Variants in MBOAT4 observed in about 807,000 individuals in gnomAD.
MBOAT4 encodes membrane bound ghrelin O-acyltransferase MBOAT4, also known as membrane-bound ghrelin O-acyltransferase MBOAT4.
In MBOAT4, 11 loss-of-function variants were observed where a neutral mutation model predicts 13.2. The ratio of observed to expected loss-of-function variants is 0.84; its 90% CI spans 0.53 to 1.38. MBOAT4 has a LOEUF of 1.38. Ranked by LOEUF, MBOAT4 falls within the 40% of genes most tolerant of loss-of-function variation. The pLI is 0.00. For synonymous variants in MBOAT4, 202 were observed against 210.3 expected (o/e 0.96, Z 0.34); for missense variants, 481 against 527.2 (o/e 0.91, Z 0.86).
chr8:30,134,275 T>A (rs563197954), intron 2 of MBOAT4, among the ~76,000 whole-genome samples: 3 of 151,630 alleles, frequency 2.0e-5, no homozygotes, highest in Admixed American at 6.6e-5. Context: ...ATACAAAAAT[T>A]AGCTGGGTGT....
chr8:30,137,935 T>C, intron 2 of MBOAT4: 1 of 212,008 alleles, frequency 4.7e-6, no homozygotes, highest in Non-Finnish European at 9.7e-6. Context: ...ACATCAGTGC[T>C]TGAGATGTTT....
chr8:30,142,517 G>A (rs970117307), intron 1 of MBOAT4, among the ~76,000 whole-genome samples: 8 of 152,070 alleles, frequency 5.3e-5, no homozygotes, highest in African/African-American at 1.9e-4. Context: ...CACCACACTT[G>A]GCTAATTTTT....
chr8:30,134,322 C>G (rs1803091812), intron 2 of MBOAT4, among the ~76,000 whole-genome samples: 1 of 151,756 alleles, frequency 6.6e-6, no homozygotes, highest in Admixed American at 6.6e-5. Context: ...ACTCGGGAGG[C>G]TGAGGCAGGA....
chr8:30,135,495 G>T (rs1353850769), intron 2 of MBOAT4, among the ~76,000 whole-genome samples: 1 of 152,126 alleles, frequency 6.6e-6, no homozygotes, highest in East Asian at 1.9e-4. Flanking sequence ...TTGTACTGAG[G>T]AATGGATCAC....
At chr8:30,137,252 T>A in intron 2 of MBOAT4, 1 of 1,529,960 alleles carries the variant, frequency 6.5e-7, no homozygotes, top group Admixed American at 2.0e-5. Context: ...TGTAATTAGC[T>A]CTTGATTTCT....
In MBOAT4 at chr8:30,138,305, C is replaced by T. The variant is rs141352331; in HGVS notation, c.344+227G>A. 7.4e-5 allele frequency: 32 copies of T among 432,270 alleles called. No homozygotes were observed. The East Asian group carries it at 7.9e-4, about 11-fold the overall frequency. The allele number at this position is 432,270 out of a possible 1,614,324, so 26.8% of individuals were successfully genotyped here. A position where few individuals can be genotyped will look rare whatever the true frequency, so the allele number is the denominator to read the frequency against. On this transcript the variant is annotated intron_variant, in intron 2 of 2. Transcript: ENST00000320542. ...CAGTGGAGAAGGTGAACCCACTGGG[C>T]GGTTACACTAACATTCACAACAATC...
At chr8:30,137,325 A>AG in intron 2 of MBOAT4, 1 of 1,551,754 alleles carries the variant, frequency 6.4e-7, no homozygotes, top group East Asian at 2.4e-5. Context: ...CTGAAGGAAG[A>AG]GAAACACTGA....
At position 30,132,461 on chromosome 8, in the gene MBOAT4, AGTC is replaced by A. The variant is rs1803044146; in HGVS notation, c.787_789del (p.Asp263del). Reference sequence around the variant, plus strand: ...CCAAAGCCCGCTGCGTGGAGGAGGGAGTCGTCCAGGATCCAGTGGGAGTAGTAG... The same window carrying A: ...CCAAAGCCCGCTGCGTGGAGGAGGGAGTCCAGGATCCAGTGGGAGTAGTAG... On this transcript the variant is annotated inframe_deletion, in exon 3 of 3. Coordinates refer to ENST00000320542, the MANE Select transcript of MBOAT4 (RefSeq NM_001100916.2). 1.9e-6 allele frequency: 3 copies of A among 1,551,590 alleles called. No individual in the cohort carries two copies. The highest frequency in any genetic ancestry group is 1.4e-5 in the African/African-American group (1 of 73,040).
chr8:30,141,950 C>A (rs1337125597), intron 1 of MBOAT4, among the ~76,000 whole-genome samples: 1 of 152,184 alleles, frequency 6.6e-6, no homozygotes, highest in Non-Finnish European at 1.5e-5. Context: ...TGACTTCCCC[C>A]CTCAACACCC....
At position 30,141,254 on chromosome 8, in the gene MBOAT4, C is replaced by T. The variant is rs574165905; in HGVS notation, c.120-2498G>A. 7.2e-5 allele frequency among the ~76,000 whole-genome samples: 11 copies of T among 152,244 alleles called. No homozygotes were observed. The South Asian group carries it at 1.7e-3, about 23-fold the overall frequency. On this transcript the variant is annotated intron_variant, in intron 1 of 2. Transcript: ENST00000320542. ...CAGAGGCCTGGGAAGCTTCACATTA[C>T]GCACACTTGGTTCTTCCTTCTGCAT...
intron 1 of MBOAT4, 42 bp from the exon 2 acceptor site, chr8:30,138,798 G>T (rs751895745): frequency 1.2e-5 from 17 of 1,425,976 alleles, no homozygotes; most frequent in Admixed American, 1.2e-4. Flanking sequence ...ACTTAGAACG[G>T]CACAGCAAAG....
rs1404642148 is a variant in MBOAT4 at position 30,132,607 on chromosome 8, A to G, written c.644T>C (p.Leu215Pro). Residue 215 changes from leucine to proline, a missense_variant, in exon 3 of 3, where the codon CTA (leucine) becomes CCA (proline). Coordinates refer to ENST00000320542, the MANE Select transcript of MBOAT4 (RefSeq NM_001100916.2). ...LSWRGLQILG[L>P]ECLNVAVSRV... is the part of the protein sequence containing the mutation. ...GCTCACTGCCACGTTTAGGCATTCTAGTCCAAGAATCTGCAGACCCCTCCA... is the reference window on the plus strand; with the variant it reads ...GCTCACTGCCACGTTTAGGCATTCTGGTCCAAGAATCTGCAGACCCCTCCA... 3 of 1,551,788 alleles carry G rather than the reference A, an allele frequency of 1.9e-6. No individual in the cohort carries two copies. The East Asian group carries it at 7.3e-5, about 38-fold the overall frequency.
chr8:30,143,368 T>TAAA (rs1183525272), intron 1 of MBOAT4, among the ~76,000 whole-genome samples: 35 of 20,004 alleles, frequency 1.7e-3, no homozygotes, highest in Middle Eastern at 0.033. Context: ...AAAAAAAAAA[T>TAAA]ATATATATAT....
chr8:30,132,171 C>T lies in MBOAT4; in HGVS notation c.1080G>A (p.Leu360=), dbSNP rs1803031303. 1.9e-6 allele frequency: 3 copies of T among 1,551,708 alleles called. No individual in the cohort carries two copies. Among genetic ancestry groups the T allele is most frequent in the South Asian group, 1.2e-5 (1 of 84,054 alleles). ...TAAACTCATTGGCAAAGGAGTGAAT[C>T]AGGTAGTCAGCTTCCACCATCACGG... ...CWAVMVEADY[L]IHSFANEFIR... Residue 360 remains leucine, a synonymous_variant, in exon 3 of 3, where the codon CTG becomes CTA. Coordinates refer to ENST00000320542, the MANE Select transcript of MBOAT4 (RefSeq NM_001100916.2).
intron 2 of MBOAT4, chr8:30,137,823 A>C (rs1803181247): frequency 3.2e-6 from 1 of 313,132 alleles, no homozygotes; most frequent in African/African-American, 2.1e-5. Context: ...AAATTAGCCG[A>C]AAGATTAGAA....
intron 2 of MBOAT4, among the ~76,000 whole-genome samples, chr8:30,136,410 C>G (rs1199539452): frequency 1.3e-5 from 2 of 152,212 alleles, no homozygotes; most frequent in Non-Finnish European, 2.9e-5. Context: ...CTGACGTCAT[C>G]ATCAGTGACT....
chr8:30,135,257 T>C (rs942842168), intron 2 of MBOAT4, among the ~76,000 whole-genome samples: 2 of 152,124 alleles, frequency 1.3e-5, no homozygotes, highest in African/African-American at 4.8e-5. Flanking sequence ...CAGGATCATG[T>C]AAATGGGGAA....
At position 30,131,916 on chromosome 8, in the gene MBOAT4, G is replaced by A; in HGVS notation, c.*27C>T. The stretch of plus-strand genomic sequence containing the variant: ...GCACTTTCTAAAATGTTTCCTGGGT[G>A]TTTAAGGTGAAAGCCAGGGAAAGAT... On this transcript the variant is annotated 3_prime_UTR_variant, in exon 3 of 3. Coordinates refer to ENST00000320542, the MANE Select transcript of MBOAT4 (RefSeq NM_001100916.2). The A allele has an allele frequency of 6.5e-7, 1 of 1,527,876 alleles. No homozygotes were observed. The highest frequency in any genetic ancestry group is 8.8e-7 in the Non-Finnish European group (1 of 1,132,924). The allele number at this position is 1,527,876 out of a possible 1,614,324, so 94.6% of individuals were successfully genotyped here.
At chr8:30,137,804 A>G (rs1803180877) in intron 2 of MBOAT4, 2 of 358,110 alleles carry the variant, frequency 5.6e-6, no homozygotes, top group Non-Finnish European at 1.0e-5. Flanking sequence ...CTGCCTTTGT[A>G]GGATTAACAA....
Sources: allele counts gnomAD v4.1 joint callset (sites outside exome capture counted in the v4.1 genomes callset), GRCh38; gene constraint gnomAD v4.1.1; transcripts MANE v1.5; gene names NCBI Gene and HGNC (gene_info 2026-07-23, HGNC 2026-07-21).